Variants in ROBO2 observed in about 807,000 individuals in gnomAD.
The protein encoded by ROBO2 is roundabout homolog 2.
ROBO2 carries 53 observed loss-of-function variants against 160.8 expected under a neutral mutation model. The observed-to-expected ratio is 0.33, with a 90% CI of 0.26 to 0.41. The LOEUF (loss-of-function observed/expected upper bound fraction) is 0.41, where lower values mean the gene tolerates loss of function less well. Among genes scored for constraint, ROBO2 ranks in the 10% least tolerant of loss-of-function variants. ROBO2 has a pLI of 1.00. For missense variants in ROBO2, 1,577 were observed against 1,722.4 expected (o/e 0.92, Z 1.49); for synonymous variants, 664 against 611.7 (o/e 1.09, Z -1.26).
At chr3:76,051,521 C>T (rs925559591) in intron 2 of ROBO2, among the ~76,000 whole-genome samples, 1 of 151,990 alleles carries the variant, frequency 6.6e-6, no homozygotes, top group African/African-American at 2.4e-5. Context: ...TTGTAATGGG[C>T]GTGAATTATT....
At chr3:76,476,285 CTT>C (rs954244376) in intron 2 of ROBO2, among the ~76,000 whole-genome samples, 15 of 152,272 alleles carry the variant, frequency 9.9e-5, no homozygotes, top group Non-Finnish European at 1.8e-4. Context: ...AGACTGGAGA[CTT>C]TACCATTGAA....
At chr3:75,947,671 C>A (rs1179205057) in intron 2 of ROBO2, among the ~76,000 whole-genome samples, 2 of 151,980 alleles carry the variant, frequency 1.3e-5, no homozygotes, top group East Asian at 3.9e-4. Context: ...AGAATTTAAG[C>A]CTGAGTATAA....
chr3:76,489,084 CAAAAAAAAAAAA>C (rs67454494), intron 2 of ROBO2, among the ~76,000 whole-genome samples: 1,006 of 60,120 alleles, frequency 0.017, 21 homozygotes, highest in African/African-American at 0.043. Flanking sequence ...GACTCTGTCT[CAAAAAAAAAAAA>C]AAAAAAAAAA....
exon 10 of ROBO2, chr3:77,562,687 A>G (rs776573854): frequency 6.2e-7 from 1 of 1,612,922 alleles, no homozygotes; most frequent in South Asian, 1.1e-5. Flanking sequence ...TGTGGCTACA[A>G]GTTCAAGTGG....
chr3:76,738,782 A>G (rs1576339351), intron 2 of ROBO2, among the ~76,000 whole-genome samples: 1 of 152,224 alleles, frequency 6.6e-6, no homozygotes. Context: ...GCAAAATCTC[A>G]TGATAGATGT....
intron 2 of ROBO2, among the ~76,000 whole-genome samples, chr3:76,876,183 A>G (rs2072695104): frequency 6.6e-6 from 1 of 152,222 alleles, no homozygotes; most frequent in Non-Finnish European, 1.5e-5. Context: ...GATAAGAAGC[A>G]TGAATTTGAG....
At chr3:77,023,115 C>G (rs553055772) in intron 2 of ROBO2, among the ~76,000 whole-genome samples, 18 of 152,112 alleles carry the variant, frequency 1.2e-4, no homozygotes, top group Non-Finnish European at 1.8e-4. Context: ...GTGGGAGGGA[C>G]CCAGGGGGAG....
rs552153720 is a variant in ROBO2 at position 77,033,845 on chromosome 3, A to G, written c.110-64169A>G. Among the ~76,000 whole-genome samples, 4 of 152,224 alleles carry G rather than the reference A, an allele frequency of 2.6e-5. No individual in the cohort carries two copies. The East Asian group carries it at 7.7e-4, about 29-fold the overall frequency. ...GGCAAATATATATTAGATGAAGTGT[A>G]AATTTATTTACACTTTATATTTCTG... is the stretch of plus-strand genomic sequence containing the variant. On this transcript the variant is annotated intron_variant, in intron 2 of 26. Transcript: ENST00000487694.
At chr3:76,131,653 C>T (rs1024842596) in intron 2 of ROBO2, among the ~76,000 whole-genome samples, 1 of 152,010 alleles carries the variant, frequency 6.6e-6, no homozygotes, top group Non-Finnish European at 1.5e-5. Flanking sequence ...ACAAGCAGAG[C>T]AGATGTGATT....
intron 2 of ROBO2, among the ~76,000 whole-genome samples, chr3:77,013,476 G>A (rs2062037617): frequency 1.3e-5 from 2 of 152,176 alleles, no homozygotes; most frequent in East Asian, 1.9e-4. Flanking sequence ...AATTATCAAT[G>A]TTGATGAAAT....
intron 2 of ROBO2, among the ~76,000 whole-genome samples, chr3:76,276,450 A>C (rs147690427): frequency 6.1e-4 from 93 of 152,188 alleles, no homozygotes; most frequent in African/African-American, 2.0e-3. Context: ...GAATATTTTC[A>C]TTAATATAGA....
chr3:77,180,435 T>TATATATATATATATA (rs1491200828), intron 2 of ROBO2, among the ~76,000 whole-genome samples: 31 of 63,860 alleles, frequency 4.9e-4, no homozygotes, highest in Non-Finnish European at 7.6e-4. Flanking sequence ...TATATATGTA[T>TATATATATATATATA]TTTTTTTTTT....
intron 2 of ROBO2, among the ~76,000 whole-genome samples, chr3:76,967,651 A>C (rs1356836888): frequency 6.6e-6 from 1 of 150,518 alleles, no homozygotes; most frequent in Non-Finnish European, 1.5e-5. Context: ...CCTCCCAAAT[A>C]ACTGGGACTA....
chr3:76,885,647 A>C (rs1484203194), intron 2 of ROBO2, among the ~76,000 whole-genome samples: 1 of 152,266 alleles, frequency 6.6e-6, no homozygotes, highest in East Asian at 1.9e-4. Context: ...ATGAATGCAA[A>C]CCACCCTTGA....
At chr3:77,423,473 T>G (rs1057332460) in intron 2 of ROBO2, among the ~76,000 whole-genome samples, 2 of 152,204 alleles carry the variant, frequency 1.3e-5, no homozygotes, top group Non-Finnish European at 2.9e-5. Context: ...ATTGCCAGTT[T>G]TCAACTGTTT....
intron 2 of ROBO2, among the ~76,000 whole-genome samples, chr3:77,373,041 ATATAATAAAATAAATTT>A (rs979103851): frequency 8.1e-5 from 12 of 148,718 alleles, no homozygotes; most frequent in Admixed American, 2.7e-4. Context: ...GGAAAAAATT[ATATAATAAAATAAATTT>A]TATAATAAAA....
intron 2 of ROBO2, among the ~76,000 whole-genome samples, chr3:76,215,781 C>A (rs1223317202): frequency 1.3e-5 from 2 of 152,078 alleles, no homozygotes; most frequent in Non-Finnish European, 2.9e-5. Context: ...CAAGGCAGGC[C>A]AACATTCAAA....
intron 2 of ROBO2, among the ~76,000 whole-genome samples, chr3:77,015,906 A>G (rs1033903959): frequency 1.3e-5 from 2 of 152,316 alleles, no homozygotes; most frequent in South Asian, 4.2e-4. Context: ...TGATCTAAAT[A>G]TGGTATTAAT....
At chr3:76,472,758 A>C (rs554302066) in intron 2 of ROBO2, among the ~76,000 whole-genome samples, 2 of 152,314 alleles carry the variant, frequency 1.3e-5, no homozygotes, top group Non-Finnish European at 2.9e-5. Flanking sequence ...CTTGAAAGGC[A>C]TCAGATTAAG....
Sources: gnomAD v4.1 joint callset for allele counts (sites outside exome capture counted in the v4.1 genomes callset) on GRCh38, gnomAD v4.1.1 for gene constraint, MANE v1.5 for transcripts, NCBI Gene and HGNC (gene_info 2026-07-23, HGNC 2026-07-21) for gene names.